Variants in MTMR8 observed in about 807,000 individuals in gnomAD.
The protein encoded by MTMR8 is myotubularin related protein 8, also known as phosphatidylinositol-3,5-bisphosphate 3-phosphatase MTMR8.
MTMR8 carries 65 observed loss-of-function variants against 39.3 expected under a neutral mutation model. The observed-to-expected ratio is 1.65, with a 90% CI of 1.35 to 2.03. The LOEUF (loss-of-function observed/expected upper bound fraction) is 2.03. MTMR8 is among the 30% of genes most tolerant of loss of function. The pLI, the probability that MTMR8 is intolerant of heterozygous loss-of-function variation, is 0.00. For synonymous variants in MTMR8, 245 were observed against 185.2 expected (o/e 1.32, Z -2.62); for missense variants, 777 against 538.9 (o/e 1.44, Z -4.37).
Position 64,271,087 on chromosome X carries a change from A to C in MTMR8, c.1482-14T>G, listed in dbSNP as rs1235389907. Reference sequence around the variant, plus strand: ...CCACACCAGAACCTCAAATAGACAAAAATGGGGGGAAAAGTGGGTTAGTTT... The same window carrying C: ...CCACACCAGAACCTCAAATAGACAACAATGGGGGGAAAAGTGGGTTAGTTT... On this transcript the variant is annotated splice_polypyrimidine_tract_variant and intron_variant, in intron 12 of 13. Transcript: ENST00000374852. 8.5e-7 allele frequency: 1 copy of C among 1,173,406 alleles called. No homozygotes were observed. Among genetic ancestry groups the C allele is most frequent in the Non-Finnish European group, 1.1e-6 (1 of 878,431 alleles).
chrX:64,301,656 C>T (rs1417348494), intron 12 of MTMR8, among the ~76,000 whole-genome samples: 4 of 111,546 alleles, frequency 3.6e-5, no homozygotes, highest in Non-Finnish European at 7.5e-5. Flanking sequence ...AGGTGCTCTG[C>T]GTTTTAGAGT....
chrX:64,333,692 G>A (rs1482699711), intron 10 of MTMR8, among the ~76,000 whole-genome samples: 2 of 111,751 alleles, frequency 1.8e-5, no homozygotes, highest in Non-Finnish European at 1.9e-5. Context: ...CTTGGAAAGA[G>A]ATTTATATAC....
chrX:64,350,098 A>AT lies in MTMR8; in HGVS notation c.469-29_469-28insA, dbSNP rs199874658. 1,272 of 852,673 alleles carry AT rather than the reference A, an allele frequency of 1.5e-3. 17 individuals carry two copies. In the African/African-American group the frequency reaches 0.028, roughly 19 times the overall value. 70.3% of individuals were successfully genotyped at this position (852,673 alleles called of 1,213,427 possible). A position where few individuals can be genotyped will look rare whatever the true frequency, so the allele number is the denominator to read the frequency against. On this transcript the variant is annotated intron_variant, in intron 4 of 13. Transcript: ENST00000374852. Reference sequence around the variant, plus strand: ...AAAAGAAAATAAGCACAATATATATAAATATATATTTATACATTTATATAT... The same window carrying AT: ...AAAAGAAAATAAGCACAATATATATATAATATATATTTATACATTTATATAT...
intron 4 of MTMR8, among the ~76,000 whole-genome samples, chrX:64,354,209 C>T (rs924762087): frequency 1.1e-4 from 12 of 104,970 alleles, no homozygotes; most frequent in Non-Finnish European, 1.9e-4. Context: ...GGATCCTCAA[C>T]GGGTACAAAA....
chrX:64,385,534 G>A (rs1432033408), intron 1 of MTMR8, among the ~76,000 whole-genome samples: 2 of 111,739 alleles, frequency 1.8e-5, no homozygotes, highest in Non-Finnish European at 3.8e-5. Flanking sequence ...AAGACAAAAG[G>A]TTTAATTGGC....
chrX:64,356,619 C>A (rs1389192611), intron 2 of MTMR8, among the ~76,000 whole-genome samples: 3 of 110,377 alleles, frequency 2.7e-5, no homozygotes, highest in Non-Finnish European at 5.7e-5. Flanking sequence ...TAGATCAGCT[C>A]AGAATAGATG....
chrX:64,275,648 CAA>C (rs60193863), intron 12 of MTMR8, among the ~76,000 whole-genome samples: 17 of 40,705 alleles, frequency 4.2e-4, no homozygotes, highest in Middle Eastern at 0.014. Context: ...GAGTCTCTCT[CAA>C]AAAAAAAAAA....
intron 12 of MTMR8, among the ~76,000 whole-genome samples, chrX:64,322,164 T>C (rs1040192440): frequency 1.4e-3 from 152 of 109,761 alleles, no homozygotes; most frequent in Non-Finnish European, 2.6e-3. Flanking sequence ...CTGCCTCATT[T>C]TTTGATTTTT....
intron 1 of MTMR8, among the ~76,000 whole-genome samples, chrX:64,394,766 C>T (rs1169251395): frequency 8.9e-6 from 1 of 112,232 alleles, no homozygotes; most frequent in Non-Finnish European, 1.9e-5. Context: ...ATCCACTCTG[C>T]CCCACTCCTC....
chrX:64,309,461 C>CA (rs200696048), intron 12 of MTMR8, among the ~76,000 whole-genome samples: 10,408 of 105,902 alleles, frequency 0.098, 1,227 homozygotes, highest in African/African-American at 0.33. Context: ...CTTGTAAATG[C>CA]AAAAAAAAAC....
intron 12 of MTMR8, among the ~76,000 whole-genome samples, chrX:64,284,265 G>T (rs1294669705): frequency 8.9e-6 from 1 of 111,780 alleles, no homozygotes; most frequent in Non-Finnish European, 1.9e-5. Flanking sequence ...GAGAAGAGAA[G>T]TTTAGAGAAA....
At chrX:64,276,072 T>C (rs1931865783) in intron 12 of MTMR8, among the ~76,000 whole-genome samples, 1 of 112,225 alleles carries the variant, frequency 8.9e-6, no homozygotes, top group Non-Finnish European at 1.9e-5. Context: ...GATTCTTCTC[T>C]CTTTTCTTCT....
intron 1 of MTMR8, among the ~76,000 whole-genome samples, chrX:64,389,848 C>G (rs762068291): frequency 1.3e-4 from 14 of 111,717 alleles, no homozygotes; most frequent in Non-Finnish European, 2.3e-4. Context: ...CCCAAGAACT[C>G]AGAGCTAATA....
intron 1 of MTMR8, among the ~76,000 whole-genome samples, chrX:64,388,398 A>G (rs1924615359): frequency 8.9e-6 from 1 of 112,116 alleles, no homozygotes; most frequent in South Asian, 3.7e-4. Flanking sequence ...TAAAGTAATA[A>G]GCGAGAAAAT....
intron 12 of MTMR8, among the ~76,000 whole-genome samples, chrX:64,272,168 A>G (rs1430730064): frequency 8.9e-6 from 1 of 111,803 alleles, no homozygotes; most frequent in Non-Finnish European, 1.9e-5. Context: ...CGTGCAGAAA[A>G]AGGGTAACAC....
intron 12 of MTMR8, among the ~76,000 whole-genome samples, chrX:64,297,818 G>C (rs1183004903): frequency 1.8e-5 from 2 of 110,815 alleles, no homozygotes; most frequent in African/African-American, 6.6e-5. Flanking sequence ...AGTTTCCCCA[G>C]CACCATTTAT....
chrX:64,374,987 T>C (rs1162251336), intron 1 of MTMR8, among the ~76,000 whole-genome samples: 1 of 104,949 alleles, frequency 9.5e-6, no homozygotes, highest in East Asian at 3.0e-4. Context: ...CCTGCCAACA[T>C]GTGAATTTCA....
rs757898578 is a variant in MTMR8 at position 64,279,143 on chromosome X, C to T, written c.1482-8070G>A. On this transcript the variant is annotated intron_variant, in intron 12 of 13. Coordinates refer to ENST00000374852, the MANE Select transcript of MTMR8 (RefSeq NM_017677.4). ...TCTTCAGAGCTGGCAGGCAGGAACACTTAAGTCTGATGAAGCTGTGCCCAA... is the reference window on the plus strand; with the variant it reads ...TCTTCAGAGCTGGCAGGCAGGAACATTTAAGTCTGATGAAGCTGTGCCCAA... Among the ~76,000 whole-genome samples the T allele has an allele frequency of 8.0e-5, 9 of 112,080 alleles. No individual in the cohort carries two copies. In the South Asian group the frequency reaches 3.4e-3, roughly 42 times the overall value.
intron 12 of MTMR8, among the ~76,000 whole-genome samples, chrX:64,307,990 C>T (rs760921411): frequency 2.2e-4 from 25 of 111,590 alleles, no homozygotes; most frequent in African/African-American, 7.5e-4. Flanking sequence ...ATGTTCATTG[C>T]TAGTATATGA....
Sources: allele counts gnomAD v4.1 joint callset (sites outside exome capture counted in the v4.1 genomes callset), GRCh38; gene constraint gnomAD v4.1.1; transcripts MANE v1.5; gene names NCBI Gene and HGNC (gene_info 2026-07-23, HGNC 2026-07-21).